Variants in TRIM9 observed in about 807,000 individuals in gnomAD.
The protein encoded by TRIM9 is tripartite motif containing 9, also known as E3 ubiquitin-protein ligase TRIM9.
Under a neutral mutation model 78.3 loss-of-function variants are expected in TRIM9, and 26 were observed. The ratio of observed to expected loss-of-function variants is 0.33; its 90% CI spans 0.24 to 0.46. TRIM9 has a LOEUF of 0.46. TRIM9 is among the 20% of genes least tolerant of loss of function. The pLI, the probability that TRIM9 is intolerant of heterozygous loss-of-function variation, is 1.00. For missense variants in TRIM9, 787 were observed against 1,036.4 expected (o/e 0.76, Z 3.30); for synonymous variants, 398 against 416.5 (o/e 0.96, Z 0.54).
chr14:51,071,231 CCAGG>C lies in TRIM9; in HGVS notation c.822+22883_822+22886del, dbSNP rs1350496511. On this transcript the variant is annotated intron_variant, in intron 1 of 12. Coordinates refer to ENST00000684578, the MANE Select transcript of TRIM9 (RefSeq NM_001387360.1). Reference sequence around the variant, plus strand: ...ATCTCTACTAAAAATACAAAATTAGCCAGGCATGGTGGCACATGCCTGTAATCCC... The same window carrying C: ...ATCTCTACTAAAAATACAAAATTAGCCATGGTGGCACATGCCTGTAATCCC... Among the ~76,000 whole-genome samples, 4 of 151,860 alleles carry C rather than the reference CCAGG, an allele frequency of 2.6e-5. No homozygotes were observed. In the East Asian group the frequency reaches 7.8e-4, roughly 29 times the overall value.
At chr14:51,076,504 A>G (rs2062794498) in intron 1 of TRIM9, among the ~76,000 whole-genome samples, 1 of 152,206 alleles carries the variant, frequency 6.6e-6, no homozygotes, top group Non-Finnish European at 1.5e-5. Context: ...GTACCCCTCT[A>G]TCTGTATAGA....
chr14:50,997,289 T>C, intron 7 of TRIM9: 4 of 985,454 alleles, frequency 4.1e-6, no homozygotes, highest in Non-Finnish European at 4.8e-6. Flanking sequence ...ACATTACTTG[T>C]CTTTGATGAC....
At chr14:51,050,608 A>T (rs2060334947) in intron 1 of TRIM9, among the ~76,000 whole-genome samples, 1 of 152,160 alleles carries the variant, frequency 6.6e-6, no homozygotes, top group African/African-American at 2.4e-5. Context: ...TCCCCTCCTC[A>T]AAACTGGGCA....
At chr14:50,979,642 GT>G in intron 11 of TRIM9, 93 bp from the exon 12 acceptor site, 1 of 1,050,522 alleles carries the variant, frequency 9.5e-7, no homozygotes, top group Non-Finnish European at 1.4e-6. Context: ...CTTGCAACCT[GT>G]TTATAATCAT....
chr14:51,030,001 A>C (rs944654177), intron 1 of TRIM9, among the ~76,000 whole-genome samples: 5 of 152,256 alleles, frequency 3.3e-5, no homozygotes, highest in African/African-American at 1.2e-4. Flanking sequence ...TATGCTTAGC[A>C]GCCAGATAGT....
intron 9 of TRIM9, 102 bp from the exon 10 acceptor site, chr14:50,983,067 G>GA: frequency 8.6e-7 from 1 of 1,158,322 alleles, no homozygotes; most frequent in South Asian, 1.3e-5. Context: ...ACCCCAAAAG[G>GA]ACTCAATTTA....
intron 10 of TRIM9, 94 bp from the exon 11 acceptor site, chr14:50,982,197 C>T (rs1190296686): frequency 9.0e-6 from 13 of 1,440,430 alleles, no homozygotes; most frequent in African/African-American, 2.8e-5. Context: ...CGTTGTGTAG[C>T]GTTTTCATGC....
intron 6 of TRIM9, 104 bp from the exon 7 acceptor site, chr14:50,998,292 C>G: frequency 9.0e-7 from 1 of 1,113,776 alleles, no homozygotes. Flanking sequence ...TGGTGTCATT[C>G]TAATCTGGAT....
intron 1 of TRIM9, among the ~76,000 whole-genome samples, chr14:51,065,081 T>C (rs948475079): frequency 2.0e-5 from 3 of 152,236 alleles, no homozygotes; most frequent in Admixed American, 6.5e-5. Context: ...ATTAACAATA[T>C]AAAAAATAGC....
intron 1 of TRIM9, among the ~76,000 whole-genome samples, chr14:51,034,090 C>T (rs561040913): frequency 6.6e-6 from 1 of 152,204 alleles, no homozygotes; most frequent in South Asian, 2.1e-4. Flanking sequence ...ACTTTTCAAA[C>T]TGGTAATCCA....
chr14:50,995,268 G>T (rs8017382), intron 7 of TRIM9, among the ~76,000 whole-genome samples: 48,267 of 151,886 alleles, frequency 0.32, 7,764 homozygotes, highest in South Asian at 0.54. Context: ...CCTTTTCCCT[G>T]TTTTTCAGTG....
chr14:50,992,317 C>A (rs1459666965), intron 7 of TRIM9, among the ~76,000 whole-genome samples: 1 of 152,090 alleles, frequency 6.6e-6, no homozygotes, highest in African/African-American at 2.4e-5. Flanking sequence ...GTGGCTCATG[C>A]CTGTAATCCC....
Position 50,982,021 on chromosome 14 carries a change from G to A in TRIM9, c.1941C>T (p.Ser647=), listed in dbSNP as rs756406420. The change falls in exon 11 of 13, where the codon AGC becomes AGT. Residue 647 remains serine, a synonymous_variant. Transcript: ENST00000684578. ...SNDNLTVTCS[S]YDDRVVLGKT... The stretch of plus-strand genomic sequence containing the variant: ...TCCCTAGCACCACCCGGTCATCATA[G>A]CTACTACAGGTCACTGTCAGGTTGT... 1.2e-6 allele frequency: 2 copies of A among 1,614,184 alleles called. No individual in the cohort carries two copies. Among genetic ancestry groups the A allele is most frequent in the South Asian group, 2.2e-5 (2 of 91,078 alleles).
intron 1 of TRIM9, among the ~76,000 whole-genome samples, chr14:51,093,831 C>T (rs1184979066): frequency 1.3e-5 from 2 of 152,230 alleles, no homozygotes; most frequent in African/African-American, 4.8e-5. Flanking sequence ...GCTGCAGACC[C>T]GCCGCGGAAA....
chr14:51,089,157 G>C (rs2064071796), intron 1 of TRIM9: 2 of 152,114 alleles, frequency 1.3e-5, no homozygotes, highest in South Asian at 4.1e-4. Context: ...CTTGTGAGTT[G>C]ATTTTATTTC....
chr14:51,042,144 C>G (rs1273146470), intron 1 of TRIM9, among the ~76,000 whole-genome samples: 1 of 152,180 alleles, frequency 6.6e-6, no homozygotes, highest in African/African-American at 2.4e-5. Context: ...CTCCCTCACT[C>G]CAGCATGATG....
chr14:51,051,601 A>C (rs2060428875), intron 1 of TRIM9, among the ~76,000 whole-genome samples: 1 of 152,194 alleles, frequency 6.6e-6, no homozygotes, highest in South Asian at 2.1e-4. Flanking sequence ...GAGGAGTATA[A>C]TGCAATTAGC....
intron 1 of TRIM9, among the ~76,000 whole-genome samples, chr14:51,031,145 T>TC (rs1362074812): frequency 5.3e-5 from 1 of 18,876 alleles, no homozygotes; most frequent in Non-Finnish European, 1.6e-4. Context: ...TGAAACTCTT[T>TC]CCAAAAAAAA....
At chr14:51,056,022 A>G (rs2060872433) in intron 1 of TRIM9, among the ~76,000 whole-genome samples, 1 of 152,258 alleles carries the variant, frequency 6.6e-6, no homozygotes, top group African/African-American at 2.4e-5. Flanking sequence ...AAATTCAGAT[A>G]AGTATGTCCA....
Sources: allele counts gnomAD v4.1 joint callset (sites outside exome capture counted in the v4.1 genomes callset), GRCh38; gene constraint gnomAD v4.1.1; transcripts MANE v1.5; gene names NCBI Gene and HGNC (gene_info 2026-07-23, HGNC 2026-07-21).